The following TSHR variants were observed in gnomAD, a reference collection of about 807,000 sequenced individuals.
TSHR encodes thyrotropin receptor.
Under a neutral mutation model 64.1 loss-of-function variants are expected in TSHR, and 51 were observed. That is an observed-to-expected ratio of 0.80 (90% confidence interval 0.64 to 1.01). The LOEUF (loss-of-function observed/expected upper bound fraction) is 1.01, where lower values mean the gene tolerates loss of function less well. Ranked by LOEUF, TSHR falls within the 50% of genes least tolerant of loss-of-function variation. The pLI, the probability that TSHR is intolerant of heterozygous loss-of-function variation, is 0.00. For missense variants in TSHR, 877 were observed against 942.8 expected (o/e 0.93, Z 0.91); for synonymous variants, 361 against 361.9 (o/e 1.00, Z 0.03).
chr14:81,106,127 G>A (rs1221765829), intron 7 of TSHR, among the ~76,000 whole-genome samples: 3 of 152,128 alleles, frequency 2.0e-5, no homozygotes, highest in Non-Finnish European at 4.4e-5. Flanking sequence ...GTCTCTGAAT[G>A]CATTTGAGAT....
chr14:80,982,587 G>C, intron 1 of TSHR: 2 of 972,310 alleles, frequency 2.1e-6, no homozygotes, highest in Non-Finnish European at 2.8e-6. Context: ...TTAGATCTCA[G>C]CCTGTGGATG....
chr14:80,981,813 T>C (rs1319158767), intron 1 of TSHR, among the ~76,000 whole-genome samples: 1 of 152,154 alleles, frequency 6.6e-6, no homozygotes, highest in Non-Finnish European at 1.5e-5. Context: ...CTCTGTATCG[T>C]TGACAGAGGC....
chr14:81,075,645 CT>C (rs1339760390), intron 3 of TSHR, among the ~76,000 whole-genome samples: 3 of 117,322 alleles, frequency 2.6e-5, no homozygotes, highest in African/African-American at 9.6e-5. Flanking sequence ...TCCCTCCCCC[CT>C]CCCCCCACCC....
At chr14:80,967,646 G>A (rs1259489315) in intron 1 of TSHR, among the ~76,000 whole-genome samples, 5 of 152,166 alleles carry the variant, frequency 3.3e-5, no homozygotes, top group African/African-American at 1.2e-4. Flanking sequence ...TCGGGTGAGA[G>A]ATGATACTGG....
intron 8 of TSHR, among the ~76,000 whole-genome samples, chr14:81,129,924 A>G (rs572358170): frequency 7.2e-5 from 11 of 152,122 alleles, no homozygotes; most frequent in Non-Finnish European, 1.6e-4. Context: ...GTTATTTCCC[A>G]TCAGTGTATA....
intron 1 of TSHR, among the ~76,000 whole-genome samples, chr14:80,959,920 G>C (rs570557900): frequency 1.3e-5 from 2 of 152,110 alleles, no homozygotes; most frequent in African/African-American, 4.8e-5. Context: ...ATTTAGAAAG[G>C]TTACAAGTGG....
intron 3 of TSHR, chr14:81,087,333 C>T (rs73334089): frequency 0.027 from 4,103 of 154,192 alleles, 181 homozygotes; most frequent in African/African-American, 0.094. Flanking sequence ...CTAATGCTAA[C>T]TGTGCATTCT....
rs554083567 is a variant in TSHR at position 81,140,872 on chromosome 14, C to T, written c.881+1005C>T. Among the ~76,000 whole-genome samples, 12 of 152,270 alleles carry T rather than the reference C, an allele frequency of 7.9e-5. 1 individual carries two copies. In the South Asian group the frequency reaches 1.5e-3, roughly 18 times the overall value. On this transcript the variant is annotated intron_variant, in intron 9 of 9. Coordinates refer to ENST00000298171, the MANE Select transcript of TSHR (RefSeq NM_000369.5). Reference sequence around the variant, plus strand: ...CAGTGGCTCACGCCTGTAATCCCAGCACTTTGGGAGGCTGAGATGGCCAGA... The same window carrying T: ...CAGTGGCTCACGCCTGTAATCCCAGTACTTTGGGAGGCTGAGATGGCCAGA...
intron 1 of TSHR, among the ~76,000 whole-genome samples, chr14:81,034,007 G>T (rs1217287770): frequency 6.6e-6 from 1 of 152,184 alleles, no homozygotes; most frequent in Non-Finnish European, 1.5e-5. Context: ...CATCACAATT[G>T]CTGACTAAAG....
At position 81,143,304 on chromosome 14, in the gene TSHR, T is replaced by C; in HGVS notation, c.1246T>C (p.Phe416Leu). 1 of 1,614,160 alleles carries C rather than the reference T, an allele frequency of 6.2e-7. No homozygotes were observed. Among genetic ancestry groups the C allele is most frequent in the Non-Finnish European group, 8.5e-7 (1 of 1,180,028 alleles). Residue 416 changes from phenylalanine (F) to leucine (L), a missense_variant, in exon 10 of 10, where the codon TTC becomes CTC. Coordinates refer to ENST00000298171, the MANE Select transcript of TSHR (RefSeq NM_000369.5). ...GTGTGAAGACATAATGGGCTACAAGTTCCTGAGAATTGTGGTGTGGTTCGT... is the reference window on the plus strand; with the variant it reads ...GTGTGAAGACATAATGGGCTACAAGCTCCTGAGAATTGTGGTGTGGTTCGT... ...NPCEDIMGYK[F>L]LRIVVWFVSL...
chr14:81,043,861 G>A (rs1320351745), intron 1 of TSHR, among the ~76,000 whole-genome samples: 2 of 152,152 alleles, frequency 1.3e-5, no homozygotes, highest in Non-Finnish European at 2.9e-5. Flanking sequence ...AATAAATGGT[G>A]CTGAGAGTCC....
chr14:81,101,200 C>T (rs867801625), intron 7 of TSHR, among the ~76,000 whole-genome samples: 5 of 152,158 alleles, frequency 3.3e-5, no homozygotes, highest in Middle Eastern at 3.4e-3. Context: ...AAGAATCTTT[C>T]GATATACCAT....
intron 8 of TSHR, among the ~76,000 whole-genome samples, chr14:81,121,914 G>A (rs1323776697): frequency 6.9e-6 from 1 of 144,082 alleles, no homozygotes; most frequent in African/African-American, 2.6e-5. Context: ...CTGCACTCCA[G>A]CCTGGGAGAC....
At chr14:81,138,346 A>G (rs1440725906) in intron 8 of TSHR, among the ~76,000 whole-genome samples, 1 of 151,676 alleles carries the variant, frequency 6.6e-6, no homozygotes, top group Non-Finnish European at 1.5e-5. Flanking sequence ...ACGTGCCACC[A>G]TACCCGGCTA....
chr14:81,093,554 C>T (rs1888925076), intron 6 of TSHR: 1 of 152,184 alleles, frequency 6.6e-6, no homozygotes, highest in Admixed American at 6.5e-5. Flanking sequence ...AGGTCTTTAT[C>T]AGATACAAAC....
intron 8 of TSHR, among the ~76,000 whole-genome samples, chr14:81,130,602 T>C (rs1184457824): frequency 2.0e-5 from 3 of 152,214 alleles, no homozygotes; most frequent in Non-Finnish European, 2.9e-5. Context: ...TTCACTTCCT[T>C]GGTGATCTTA....
chr14:80,988,346 C>A (rs561419432), intron 1 of TSHR, among the ~76,000 whole-genome samples: 18 of 152,200 alleles, frequency 1.2e-4, no homozygotes, highest in Non-Finnish European at 2.5e-4. Context: ...ACAATTATGG[C>A]AGAAGGTGAA....
At chr14:80,972,843 T>A (rs1007640471) in intron 1 of TSHR, among the ~76,000 whole-genome samples, 1 of 152,220 alleles carries the variant, frequency 6.6e-6, no homozygotes, top group African/African-American at 2.4e-5. Flanking sequence ...CTGGATATTT[T>A]GTGTAAATGG....
At chr14:81,007,402 T>C (rs1276521836) in intron 1 of TSHR, among the ~76,000 whole-genome samples, 2 of 152,240 alleles carry the variant, frequency 1.3e-5, no homozygotes, top group Non-Finnish European at 2.9e-5. Flanking sequence ...TTGATGGCCC[T>C]GAGAGTTTTG....
Sources: gnomAD v4.1 joint callset for allele counts (sites outside exome capture counted in the v4.1 genomes callset) on GRCh38, gnomAD v4.1.1 for gene constraint, MANE v1.5 for transcripts, NCBI Gene and HGNC (gene_info 2026-07-23, HGNC 2026-07-21) for gene names.